Variants in IL7 observed in about 807,000 individuals in gnomAD.
IL7 encodes interleukin 7.
IL7 carries 3 observed loss-of-function variants against 21.6 expected under a neutral mutation model. The ratio of observed to expected loss-of-function variants is 0.14; its 90% CI spans 0.06 to 0.36. The LOEUF (loss-of-function observed/expected upper bound fraction) is 0.36. IL7 is among the 10% of genes least tolerant of loss of function. IL7 has a pLI of 1.00. For synonymous variants in IL7, 62 were observed against 68.1 expected (o/e 0.91, Z 0.44); for missense variants, 175 against 200.2 (o/e 0.87, Z 0.76).
chr8:78,770,170 C>G (rs1812903366), intron 2 of IL7, among the ~76,000 whole-genome samples: 1 of 152,094 alleles, frequency 6.6e-6, no homozygotes, highest in Non-Finnish European at 1.5e-5. Flanking sequence ...GCAACAAAAG[C>G]CAAATGGACT....
At chr8:78,703,367 A>AGT (rs1810668770) in intron 3 of IL7, among the ~76,000 whole-genome samples, 1 of 152,108 alleles carries the variant, frequency 6.6e-6, no homozygotes, top group Non-Finnish European at 1.5e-5. Flanking sequence ...TAATATTGTC[A>AGT]GTGAGGTGTT....
At chr8:78,804,348 G>A (rs1814217125) in intron 1 of IL7, among the ~76,000 whole-genome samples, 3 of 152,192 alleles carry the variant, frequency 2.0e-5, no homozygotes, top group Non-Finnish European at 2.9e-5. Flanking sequence ...TGGTTTCCCA[G>A]CAATAGGCGC....
At chr8:78,722,240 G>A (rs1000527016) in intron 3 of IL7, among the ~76,000 whole-genome samples, 1 of 151,770 alleles carries the variant, frequency 6.6e-6, no homozygotes, top group Non-Finnish European at 1.5e-5. Flanking sequence ...CGCCTTTTAC[G>A]TTGTTTTCTA....
intron 1 of IL7, among the ~76,000 whole-genome samples, chr8:78,804,136 C>G (rs1814201630): frequency 6.6e-6 from 1 of 152,140 alleles, no homozygotes; most frequent in African/African-American, 2.4e-5. Context: ...TCCAACCCTC[C>G]TGAATTCTGT....
At chr8:78,698,208 A>G (rs1298261772) in intron 3 of IL7, among the ~76,000 whole-genome samples, 1 of 152,202 alleles carries the variant, frequency 6.6e-6, no homozygotes, top group African/African-American at 2.4e-5. Flanking sequence ...TTATTTATAT[A>G]TCAATTATAA....
At chr8:78,678,737 T>C in intron 4 of IL7, 1 of 1,167,908 alleles carries the variant, frequency 8.6e-7, no homozygotes, top group Non-Finnish European at 1.2e-6. Flanking sequence ...TTGAAAAATA[T>C]TATATTATCT....
chr8:78,796,057 T>C (rs552237780), intron 2 of IL7, among the ~76,000 whole-genome samples: 1 of 152,040 alleles, frequency 6.6e-6, no homozygotes, highest in Non-Finnish European at 1.5e-5. Flanking sequence ...TTCAATCTGA[T>C]TGAAAAGAGA....
intron 4 of IL7, among the ~76,000 whole-genome samples, chr8:78,677,273 T>C (rs1809611266): frequency 6.6e-6 from 1 of 151,982 alleles, no homozygotes; most frequent in South Asian, 2.1e-4. Context: ...CCAGTTGGCT[T>C]ATTGGAGGTC....
At chr8:78,763,717 G>A (rs1471634498) in intron 2 of IL7, among the ~76,000 whole-genome samples, 1 of 152,130 alleles carries the variant, frequency 6.6e-6, no homozygotes. Flanking sequence ...TCCCAGATGA[G>A]TTTATTGCTG....
intron 2 of IL7, chr8:78,760,991 A>G (rs955301832): frequency 3.8e-6 from 6 of 1,594,428 alleles, no homozygotes; most frequent in Non-Finnish European, 4.3e-6. Context: ...AGTAACAATG[A>G]AATCAAAATC....
At chr8:78,687,454 A>G (rs1200168102) in intron 3 of IL7, among the ~76,000 whole-genome samples, 1 of 146,264 alleles carries the variant, frequency 6.8e-6, no homozygotes, top group Non-Finnish European at 1.5e-5. Flanking sequence ...TAGACTATAT[A>G]TACATAATTA....
chr8:78,739,537 C>T (rs1379426194), intron 3 of IL7, among the ~76,000 whole-genome samples: 1 of 151,862 alleles, frequency 6.6e-6, no homozygotes, highest in Non-Finnish European at 1.5e-5. Context: ...ACTAAAAATA[C>T]AAAAATTAGT....
At chr8:78,675,440 A>T (rs1809549820), downstream of IL7, among the ~76,000 whole-genome samples, 2 of 151,922 alleles carry the variant, frequency 1.3e-5, no homozygotes. Flanking sequence ...AATAAGATAA[A>T]TTTTGTTCTT....
At chr8:78,678,482 T>G in intron 4 of IL7, 1 of 999,136 alleles carries the variant, frequency 1.0e-6, no homozygotes, top group Non-Finnish European at 1.5e-6. Flanking sequence ...ATTTTTAAAC[T>G]GGTCTCAATG....
At chr8:78,794,093 T>C (rs1042317460) in intron 2 of IL7, among the ~76,000 whole-genome samples, 3 of 152,132 alleles carry the variant, frequency 2.0e-5, no homozygotes. Context: ...CTCAAAGTCA[T>C]CTATGACAGT....
Position 78,804,985 on chromosome 8 carries a change from C to G in IL7, c.-63G>C, listed in dbSNP as rs974081909. ...CTGGAGCAGGAGCAAGCTCTCACCG[C>G]CCATAGTCACTCCCAGGACCCTGGT... On this transcript the variant is annotated 5_prime_UTR_variant, in exon 1 of 6. Transcript: ENST00000263851. 5.1e-6 allele frequency: 8 copies of G among 1,574,524 alleles called. No homozygotes were observed. The East Asian group carries it at 1.8e-4, about 36-fold the overall frequency.
chr8:78,676,465 A>T (rs1215187164), intron 4 of IL7, among the ~76,000 whole-genome samples: 1 of 152,062 alleles, frequency 6.6e-6, no homozygotes, highest in Non-Finnish European at 1.5e-5. Flanking sequence ...TAATAAAGTT[A>T]GCTAACTAAA....
intron 4 of IL7, among the ~76,000 whole-genome samples, chr8:78,737,825 G>A (rs1811645505): frequency 6.6e-6 from 1 of 152,030 alleles, no homozygotes; most frequent in South Asian, 2.1e-4. Context: ...ATAAAATAAA[G>A]CACTGTATTA....
intron 3 of IL7, among the ~76,000 whole-genome samples, chr8:78,725,584 G>A (rs751101639): frequency 3.9e-5 from 6 of 151,962 alleles, no homozygotes; most frequent in Non-Finnish European, 8.8e-5. Context: ...ACCAAATTTG[G>A]TCTAACTTGT....
Sources: gnomAD v4.1 joint callset for allele counts (sites outside exome capture counted in the v4.1 genomes callset) on GRCh38, gnomAD v4.1.1 for gene constraint, MANE v1.5 for transcripts, NCBI Gene and HGNC (gene_info 2026-07-23, HGNC 2026-07-21) for gene names.